Variants in CDH13 observed in about 807,000 individuals in gnomAD.
CDH13 encodes the protein cadherin 13.
Under a neutral mutation model 63.8 loss-of-function variants are expected in CDH13, and 24 were observed. The observed-to-expected ratio is 0.38, with a 90% CI of 0.27 to 0.53. The LOEUF (loss-of-function observed/expected upper bound fraction) is 0.53. CDH13 is among the 20% of genes least tolerant of loss of function. The pLI, the probability that CDH13 is intolerant of heterozygous loss-of-function variation, is 0.85. For synonymous variants in CDH13, 503 were observed against 355.3 expected, an observed-to-expected ratio of 1.42 and a Z score of -4.67; for missense variants, 1,049 against 903.1, an observed-to-expected ratio of 1.16 and a Z score of -2.07.
At chr16:83,323,665 C>T (rs151199710) in intron 5 of CDH13, among the ~76,000 whole-genome samples, 10 of 152,268 alleles carry the variant, frequency 6.6e-5, no homozygotes, top group African/African-American at 2.2e-4. Flanking sequence ...CAAACTAGAA[C>T]ATTTTATTTT....
At chr16:83,349,776 T>G (rs562794879) in intron 6 of CDH13, among the ~76,000 whole-genome samples, 2 of 151,962 alleles carry the variant, frequency 1.3e-5, no homozygotes, top group African/African-American at 2.4e-5. Flanking sequence ...AATTTTTGTA[T>G]TTTTAGTAGA....
intron 1 of CDH13, among the ~76,000 whole-genome samples, chr16:82,818,657 C>G (rs2037844634): frequency 6.6e-6 from 1 of 152,068 alleles, no homozygotes; most frequent in Non-Finnish European, 1.5e-5. Flanking sequence ...CCCACTGTAC[C>G]TTTGGCTTCA....
intron 7 of CDH13, among the ~76,000 whole-genome samples, chr16:83,545,688 C>G (rs1301236622): frequency 6.6e-6 from 1 of 152,168 alleles, no homozygotes; most frequent in African/African-American, 2.4e-5. Context: ...ACTCTCCATA[C>G]AGTTCCTCTC....
chr16:83,419,721 C>T (rs779204260), intron 6 of CDH13, among the ~76,000 whole-genome samples: 3 of 152,186 alleles, frequency 2.0e-5, no homozygotes, highest in Non-Finnish European at 4.4e-5. Context: ...AAGGCATTCC[C>T]ATAAGTGTAC....
intron 1 of CDH13, among the ~76,000 whole-genome samples, chr16:82,776,333 A>G (rs1273503877): frequency 1.3e-5 from 2 of 152,174 alleles, no homozygotes; most frequent in Non-Finnish European, 2.9e-5. Flanking sequence ...AAAAGGCACT[A>G]TCTATGCCAT....
At chr16:82,839,045 A>C (rs940286581) in intron 1 of CDH13, among the ~76,000 whole-genome samples, 5 of 152,248 alleles carry the variant, frequency 3.3e-5, no homozygotes, top group African/African-American at 4.8e-5. Context: ...GTTGTGTTCC[A>C]ATAAAACTTT....
intron 4 of CDH13, among the ~76,000 whole-genome samples, chr16:83,127,423 A>G (rs1465119372): frequency 1.3e-5 from 2 of 152,168 alleles, no homozygotes; most frequent in African/African-American, 2.4e-5. Context: ...AACAAAGGTG[A>G]CTTGGACTAT....
intron 2 of CDH13, among the ~76,000 whole-genome samples, chr16:82,873,022 G>C (rs192889301): frequency 7.6e-4 from 115 of 152,312 alleles, no homozygotes; most frequent in Non-Finnish European, 1.2e-3. Context: ...TAAGTATCAT[G>C]AAGGAAATAA....
At chr16:83,513,834 A>C (rs537300690) in intron 7 of CDH13, among the ~76,000 whole-genome samples, 5 of 152,312 alleles carry the variant, frequency 3.3e-5, no homozygotes, top group African/African-American at 4.8e-5. Flanking sequence ...ATGCCACCAT[A>C]ATAGGCCGCA....
At chr16:83,667,051 A>G (rs1914041868) in intron 8 of CDH13, among the ~76,000 whole-genome samples, 1 of 150,788 alleles carries the variant, frequency 6.6e-6, no homozygotes, top group African/African-American at 2.4e-5. Flanking sequence ...GAATGGAAGG[A>G]TGGATGGATG....
intron 7 of CDH13, among the ~76,000 whole-genome samples, chr16:83,540,829 C>T (rs1228460368): frequency 6.6e-6 from 1 of 152,122 alleles, no homozygotes; most frequent in African/African-American, 2.4e-5. Context: ...GGGTTTTCAC[C>T]ATGTTGGCCA....
intron 8 of CDH13, among the ~76,000 whole-genome samples, chr16:83,604,644 G>A (rs973521739): frequency 1.3e-5 from 2 of 151,928 alleles, no homozygotes; most frequent in Admixed American, 6.6e-5. Flanking sequence ...TTATGGAGCT[G>A]GTGTTTCATG....
intron 2 of CDH13, among the ~76,000 whole-genome samples, chr16:82,962,565 A>G (rs934783018): frequency 6.6e-6 from 1 of 152,234 alleles, no homozygotes; most frequent in Non-Finnish European, 1.5e-5. Flanking sequence ...CATGCAACTC[A>G]TAAGGCTGAA....
chr16:83,283,655 C>T (rs942246890), intron 5 of CDH13, among the ~76,000 whole-genome samples: 1 of 152,110 alleles, frequency 6.6e-6, no homozygotes, highest in African/African-American at 2.4e-5. Flanking sequence ...CTGAAATGTC[C>T]TTTAGTGTTC....
chr16:83,497,088 T>C (rs945753740), intron 7 of CDH13, among the ~76,000 whole-genome samples: 2 of 152,188 alleles, frequency 1.3e-5, no homozygotes, highest in African/African-American at 2.4e-5. Flanking sequence ...TCAACCATTG[T>C]GGAAGTCAGT....
At chr16:83,233,515 C>T (rs2040061107) in intron 5 of CDH13, among the ~76,000 whole-genome samples, 1 of 152,202 alleles carries the variant, frequency 6.6e-6, no homozygotes, top group Non-Finnish European at 1.5e-5. Flanking sequence ...ACATGGTTCT[C>T]ACTGGGCTAA....
intron 7 of CDH13, among the ~76,000 whole-genome samples, chr16:83,567,148 C>G (rs1008508742): frequency 6.6e-6 from 1 of 152,358 alleles, no homozygotes; most frequent in Admixed American, 6.5e-5. Context: ...AGATCCTTGA[C>G]TCCCCAGCCA....
intron 1 of CDH13, among the ~76,000 whole-genome samples, chr16:82,736,933 C>T (rs979252875): frequency 6.6e-6 from 1 of 152,194 alleles, no homozygotes; most frequent in Non-Finnish European, 1.5e-5. Context: ...TCAGATGCAG[C>T]ATAATCGTGT....
In CDH13 at chr16:83,128,805, A is replaced by C. The variant is rs1236088088; in HGVS notation, c.483+3304A>C. ...AGCTTCAAAAAGCAATTTGGTTTGC[A>C]AGCTGAGGACTCACTTCTTCTTAGC... On this transcript the variant is annotated intron_variant, in intron 4 of 13. Coordinates refer to ENST00000567109, the MANE Select transcript of CDH13 (RefSeq NM_001257.5). Among the ~76,000 whole-genome samples, 9 of 152,300 alleles carry C rather than the reference A, an allele frequency of 5.9e-5. No homozygotes were observed. In the East Asian group the frequency reaches 7.7e-4, roughly 13 times the overall value.
Sources: gnomAD v4.1 joint callset for allele counts (sites outside exome capture counted in the v4.1 genomes callset) on GRCh38, gnomAD v4.1.1 for gene constraint, MANE v1.5 for transcripts, NCBI Gene and HGNC (gene_info 2026-07-23, HGNC 2026-07-21) for gene names.